PDE3A: variants seen among roughly 807,000 people sequenced by gnomAD.
PDE3A encodes phosphodiesterase 3A.
In PDE3A, 43 loss-of-function variants were observed where a neutral mutation model predicts 98.3. The observed-to-expected ratio is 0.44, with a 90% CI of 0.34 to 0.56. PDE3A has a LOEUF of 0.56. Ranked by LOEUF, PDE3A falls within the 20% of genes least tolerant of loss-of-function variation. PDE3A has a pLI of 0.01. For synonymous variants in PDE3A, 663 were observed against 567.9 expected (o/e 1.17, Z -2.38); for missense variants, 1,427 against 1,440.7 (o/e 0.99, Z 0.15).
At chr12:20,521,791 T>G (rs529972296) in intron 1 of PDE3A, among the ~76,000 whole-genome samples, 1 of 150,886 alleles carries the variant, frequency 6.6e-6, no homozygotes, top group South Asian at 2.1e-4. Context: ...AGACATGGAG[T>G]TTCATTAGGA....
At chr12:20,650,965 T>C (rs1189507860) in intron 14 of PDE3A, among the ~76,000 whole-genome samples, 2 of 152,180 alleles carry the variant, frequency 1.3e-5, no homozygotes, top group Admixed American at 6.6e-5. Context: ...AGTTTAAATG[T>C]ATATGCATAT....
chr12:20,622,803 T>G (rs1001309069), intron 5 of PDE3A, among the ~76,000 whole-genome samples: 1 of 152,048 alleles, frequency 6.6e-6, no homozygotes, highest in African/African-American at 2.4e-5. Flanking sequence ...CTTGGCTCCC[T>G]ACAAAAATAT....
chr12:20,555,505 C>G (rs1448196552), intron 1 of PDE3A, among the ~76,000 whole-genome samples: 1 of 152,210 alleles, frequency 6.6e-6, no homozygotes, highest in Non-Finnish European at 1.5e-5. Flanking sequence ...TGTATAACAT[C>G]ATGAGGTATA....
At chr12:20,658,910 A>G (rs1945099293) in intron 15 of PDE3A, among the ~76,000 whole-genome samples, 1 of 152,186 alleles carries the variant, frequency 6.6e-6, no homozygotes, top group Non-Finnish European at 1.5e-5. Context: ...TCAGGGGCCT[A>G]TAGTCTAGAA....
rs954618322 is a variant in PDE3A, at chr12:20,428,318, C to T, written c.960+58074C>T. On this transcript the variant is annotated intron_variant, in intron 1 of 15. Transcript: ENST00000359062. The stretch of plus-strand genomic sequence containing the variant: ...TTTTTGAGACGGAGTCTCGCTCTGT[C>T]GCCCAGGCTGGAGTGCAGAGGTGCG... Among the ~76,000 whole-genome samples the T allele has an allele frequency of 3.3e-5, 5 of 152,102 alleles. No individual in the cohort carries two copies. The South Asian group carries it at 1.0e-3, about 32-fold the overall frequency.
chr12:20,487,684 G>T (rs1358410670), intron 1 of PDE3A, among the ~76,000 whole-genome samples: 3 of 151,358 alleles, frequency 2.0e-5, no homozygotes, highest in African/African-American at 4.9e-5. Flanking sequence ...AAAAAAAGTG[G>T]TCAGTTTCTA....
chr12:20,650,017 A>G (rs944462643), intron 13 of PDE3A, among the ~76,000 whole-genome samples: 1 of 152,178 alleles, frequency 6.6e-6, no homozygotes, highest in African/African-American at 2.4e-5. Context: ...TAAAATTTTC[A>G]TTTTTGTAGG....
rs201221493 is a variant in PDE3A, at chr12:20,373,346, G to T, written c.960+3102G>T. On this transcript the variant is annotated intron_variant, in intron 1 of 15. Transcript: ENST00000359062. The stretch of plus-strand genomic sequence containing the variant: ...CCAGAGCAGATATGTCTCTCTCAAA[G>T]TACCACTGTGCCCTCGGCCCGAAAC... 3.3e-5 allele frequency among the ~76,000 whole-genome samples: 5 copies of T among 152,118 alleles called. No individual in the cohort carries two copies. The East Asian group carries it at 9.7e-4, about 29-fold the overall frequency.
intron 1 of PDE3A, among the ~76,000 whole-genome samples, chr12:20,413,712 CTATT>C (rs1161579771): frequency 6.6e-6 from 1 of 152,046 alleles, no homozygotes; most frequent in Non-Finnish European, 1.5e-5. Flanking sequence ...TTAAAGGAAG[CTATT>C]TAAAGGCTTA....
intron 1 of PDE3A, among the ~76,000 whole-genome samples, chr12:20,534,528 AT>A (rs1227848560): frequency 6.6e-6 from 1 of 152,192 alleles, no homozygotes; most frequent in East Asian, 1.9e-4. Context: ...TCTCATCCAT[AT>A]TCACATTTAT....
chr12:20,622,676 A>T (rs1944165006), intron 5 of PDE3A, among the ~76,000 whole-genome samples: 1 of 152,174 alleles, frequency 6.6e-6, no homozygotes, highest in Non-Finnish European at 1.5e-5. Context: ...GGATTTGCTC[A>T]GTAATAAGGA....
intron 15 of PDE3A, among the ~76,000 whole-genome samples, chr12:20,667,477 A>G (rs1945345674): frequency 6.6e-6 from 1 of 152,118 alleles, no homozygotes; most frequent in Admixed American, 6.5e-5. Context: ...GTCTAGTTTC[A>G]TTCTTCTGCA....
chr12:20,543,761 A>G (rs1428906765), intron 1 of PDE3A, among the ~76,000 whole-genome samples: 1 of 152,066 alleles, frequency 6.6e-6, no homozygotes, highest in Admixed American at 6.6e-5. Context: ...GATTGCAACA[A>G]TGCCTAAGTT....
chr12:20,607,333 A>G (rs1943734858), intron 2 of PDE3A, among the ~76,000 whole-genome samples: 1 of 150,622 alleles, frequency 6.6e-6, no homozygotes, highest in Non-Finnish European at 1.5e-5. Context: ...GCTGCTAGGG[A>G]GGCTGAGGTT....
chr12:20,572,257 C>A, intron 2 of PDE3A: 1 of 419,556 alleles, frequency 2.4e-6, no homozygotes, highest in Admixed American at 4.6e-5. Flanking sequence ...AAAATAAATT[C>A]ATAAAGTAAT....
intron 14 of PDE3A, 111 bp downstream of exon 14, chr12:20,650,711 T>C (rs947719079): frequency 3.4e-6 from 2 of 581,814 alleles, no homozygotes; most frequent in African/African-American, 1.9e-5. Flanking sequence ...ATATTCATAC[T>C]TTTGTCAGAA....
At chr12:20,588,517 CA>C (rs1470197739) in intron 2 of PDE3A, among the ~76,000 whole-genome samples, 5 of 152,160 alleles carry the variant, frequency 3.3e-5, no homozygotes, top group African/African-American at 4.8e-5. Context: ...GAAACACATT[CA>C]GGGGGACCTG....
At chr12:20,402,901 A>G (rs773339902) in intron 1 of PDE3A, among the ~76,000 whole-genome samples, 1 of 152,160 alleles carries the variant, frequency 6.6e-6, no homozygotes, top group Non-Finnish European at 1.5e-5. Context: ...GTACCAGTAA[A>G]GATTATATTT....
chr12:20,668,830 CG>C (rs1945392018), intron 15 of PDE3A, among the ~76,000 whole-genome samples: 2 of 151,654 alleles, frequency 1.3e-5, no homozygotes, highest in South Asian at 4.1e-4. Context: ...TCACCAGCAA[CG>C]GAACAAAGCT....
Sources: allele counts gnomAD v4.1 joint callset (sites outside exome capture counted in the v4.1 genomes callset), GRCh38; gene constraint gnomAD v4.1.1; transcripts MANE v1.5; gene names NCBI Gene and HGNC (gene_info 2026-07-23, HGNC 2026-07-21).